Variants in RPL4 observed in about 807,000 individuals in gnomAD.
RPL4 encodes the protein ribosomal protein L4.
In RPL4, 3 loss-of-function variants were observed where a neutral mutation model predicts 47.7. The ratio of observed to expected loss-of-function variants is 0.06; its 90% CI spans 0.03 to 0.16. RPL4 has a LOEUF of 0.16. Among genes scored for constraint, RPL4 ranks in the 10% least tolerant of loss-of-function variants. The pLI is 1.00. For synonymous variants in RPL4, 208 were observed against 182.1 expected, an observed-to-expected ratio of 1.14 and a Z score of -1.15; for missense variants, 413 against 551.3, an observed-to-expected ratio of 0.75 and a Z score of 2.51.
chr15:66,502,228 C>T (rs568244484), intron 4 of RPL4: 3 of 430,766 alleles, frequency 7.0e-6, no homozygotes, highest in Non-Finnish European at 1.3e-5. Flanking sequence ...TTTAAGTAGT[C>T]AGACCTAGTA....
rs985160660 is a variant in RPL4 at position 66,499,242 on chromosome 15, TAA to T, written c.*163_*164del. The T allele has an allele frequency of 9.0e-6, 7 of 777,792 alleles. No homozygotes were observed. The highest frequency in any genetic ancestry group is 1.0e-5 in the Non-Finnish European group (5 of 485,206). The allele number at this position is 777,792 out of a possible 1,614,324, so 48.2% of individuals were successfully genotyped here. On this transcript the variant is annotated 3_prime_UTR_variant, in exon 10 of 10. Coordinates refer to ENST00000307961, the MANE Select transcript of RPL4 (RefSeq NM_000968.4). ...ATTTTATACCACACTATATAAAATG[TAA>T]CAGTCTAAATTATGGCCAACAAAAT...
intron 7 of RPL4, chr15:66,500,660 T>C: frequency 1.8e-6 from 1 of 542,522 alleles, no homozygotes; most frequent in Non-Finnish European, 3.3e-6. Flanking sequence ...CACAAGCCTG[T>C]AGTCCCAGGT....
rs757947957 is a variant in RPL4, at chr15:66,504,770, A to C, written c.3+18T>G. The C allele has an allele frequency of 6.2e-7, 1 of 1,611,944 alleles. No homozygotes were observed. Among genetic ancestry groups the C allele is most frequent in the East Asian group, 2.2e-5 (1 of 44,874 alleles). On this transcript the variant is annotated intron_variant, in intron 1 of 9. Coordinates refer to ENST00000307961, the MANE Select transcript of RPL4 (RefSeq NM_000968.4). ...CCCGAGATACGGGGTAAGGCCAGCC[A>C]AGAGAACTTCCACTCACCATGGCGG...
At chr15:66,503,725 A>G (rs1055256326) in intron 1 of RPL4, among the ~76,000 whole-genome samples, 196 bp from the exon 2 acceptor site, 2 of 151,988 alleles carry the variant, frequency 1.3e-5, no homozygotes, top group Non-Finnish European at 2.9e-5. Flanking sequence ...TTTATTTTCA[A>G]AAAGAATTGT....
In RPL4 at chr15:66,500,959, T is replaced by C; in HGVS notation, c.823A>G (p.Ser275Gly). 1 of 1,613,900 alleles carries C rather than the reference T, an allele frequency of 6.2e-7. No homozygotes were observed. Among genetic ancestry groups the C allele is most frequent in the Non-Finnish European group, 8.5e-7 (1 of 1,179,850 alleles). The change falls in exon 7 of 10, where the codon AGT (serine) becomes GGT (glycine). Residue 275 changes from serine to glycine, a missense_variant. This residue lies in a region of RPL4 where 214 missense variants were observed against 304.2 expected (regional missense o/e 0.70). Coordinates refer to ENST00000307961, the MANE Select transcript of RPL4 (RefSeq NM_000968.4). ...GTWRKAASLK[S>G]NYNLPMHKMI... ...ATGAAAGATACTTACTTGTAGTTAC[T>C]CTTGAGGGAAGCGGCTTTACGCCAA... is the stretch of plus-strand genomic sequence containing the variant.
chr15:66,501,342 T>C lies in RPL4; in HGVS notation c.676+33A>G, dbSNP rs187115320. 118 of 1,613,466 alleles carry C rather than the reference T, an allele frequency of 7.3e-5. No individual in the cohort carries two copies. In the African/African-American group the frequency reaches 1.1e-3, roughly 15 times the overall value. On this transcript the variant is annotated intron_variant, in intron 6 of 9. Transcript: ENST00000307961. ...AAAAGCTGAGTAGACTTGCAGAGTATACCTAGTCAATATATGTAAGCAGTT... is the reference window on the plus strand; with the variant it reads ...AAAAGCTGAGTAGACTTGCAGAGTACACCTAGTCAATATATGTAAGCAGTT...
chr15:66,501,677 C>G, intron 5 of RPL4, 111 bp downstream of exon 5: 1 of 1,524,802 alleles, frequency 6.6e-7, no homozygotes, highest in Non-Finnish European at 8.8e-7. Flanking sequence ...CTCTGAGGTT[C>G]TTGTTCTCTC....
Position 66,499,000 on chromosome 15 carries a change from G to A in RPL4, c.*407C>T, listed in dbSNP as rs1893537706. ...ATTTTACTGCAGTACCAAAAAAATT[G>A]TGCTCTCCAGTTGTGCCCTCTTGTG... is the stretch of plus-strand genomic sequence containing the variant. On this transcript the variant is annotated 3_prime_UTR_variant, in exon 10 of 10. Transcript: ENST00000307961. 5.9e-6 allele frequency: 1 copy of A among 168,696 alleles called. No individual in the cohort carries two copies. The allele number at this position is 168,696 out of a possible 1,614,324, so 10.4% of individuals were successfully genotyped here.
At chr15:66,502,571 T>G in intron 4 of RPL4, 41 bp downstream of exon 4, 1 of 1,595,004 alleles carries the variant, frequency 6.3e-7, no homozygotes, top group Non-Finnish European at 8.5e-7. Flanking sequence ...GTAGGTGTCT[T>G]ATTTCTTCTA....
chr15:66,503,007 C>T, intron 3 of RPL4, 51 bp downstream of exon 3: 11 of 1,531,072 alleles, frequency 7.2e-6, no homozygotes, highest in Non-Finnish European at 9.0e-6. Flanking sequence ...AGACCCAGGC[C>T]GCTAAATTCC....
chr15:66,502,346 C>T (rs1374697028), intron 4 of RPL4: 2 of 430,534 alleles, frequency 4.6e-6, no homozygotes, highest in South Asian at 3.2e-5. Flanking sequence ...ATCACTGATA[C>T]GAAATATTTT....
In RPL4 at chr15:66,504,779, T is replaced by C; in HGVS notation, c.3+9A>G. ...CGGGGTAAGGCCAGCCAAGAGAACTTCCACTCACCATGGCGGAGAGAGGAG... is the reference window on the plus strand; with the variant it reads ...CGGGGTAAGGCCAGCCAAGAGAACTCCCACTCACCATGGCGGAGAGAGGAG... On this transcript the variant is annotated intron_variant, in intron 1 of 9. Coordinates refer to ENST00000307961, the MANE Select transcript of RPL4 (RefSeq NM_000968.4). 4 of 1,612,082 alleles carry C rather than the reference T, an allele frequency of 2.5e-6. No homozygotes were observed. The highest frequency in any genetic ancestry group is 3.4e-6 in the Non-Finnish European group (4 of 1,179,376).
chr15:66,500,407 A>T (rs375190154), intron 7 of RPL4, 31 bp from the exon 8 acceptor site: 2 of 1,585,610 alleles, frequency 1.3e-6, no homozygotes. Flanking sequence ...ATGTACATGT[A>T]AAAGTAATCA....
At chr15:66,503,232 T>C (rs1893660371) in intron 2 of RPL4, 68 bp from the exon 3 acceptor site, 5 of 1,587,774 alleles carry the variant, frequency 3.1e-6, no homozygotes, top group Non-Finnish European at 4.3e-6. Flanking sequence ...CTATTATGCA[T>C]GGTAGCAAAC....
intron 8 of RPL4, 52 bp downstream of exon 8, chr15:66,500,240 AC>A: frequency 6.2e-7 from 1 of 1,613,404 alleles, no homozygotes; most frequent in South Asian, 1.1e-5. Flanking sequence ...AATTTTTGAA[AC>A]AACCAATAGT....
At chr15:66,502,058 C>CACGGACCAA (rs747175386) in intron 4 of RPL4, 146 bp from the exon 5 acceptor site, 1 of 1,058,664 alleles carries the variant, frequency 9.4e-7, no homozygotes, top group Admixed American at 1.7e-5. Flanking sequence ...GTTTCAGAAA[C>CACGGACCAA]ACGGACCAAT....
chr15:66,499,816 G>T, intron 9 of RPL4, 164 bp from the exon 10 acceptor site: 1 of 1,005,354 alleles, frequency 9.9e-7, no homozygotes. Context: ...CTGAGGTCAG[G>T]AGTTTGAGAC....
Position 66,504,841 on chromosome 15 carries a change from G to C in RPL4, c.-51C>G, listed in dbSNP as rs140859138. The C allele has an allele frequency of 3.1e-6, 5 of 1,606,196 alleles. No individual in the cohort carries two copies. The highest frequency in any genetic ancestry group is 4.2e-6 in the Non-Finnish European group (5 of 1,176,824). On this transcript the variant is annotated 5_prime_UTR_variant, in exon 1 of 10. Coordinates refer to ENST00000307961, the MANE Select transcript of RPL4 (RefSeq NM_000968.4). ...CCTCTCAGCCCGGCTGCTGCCACAGGAAAAGGAAGTGCTTACCACTCCCGC... is the reference window on the plus strand; with the variant it reads ...CCTCTCAGCCCGGCTGCTGCCACAGCAAAAGGAAGTGCTTACCACTCCCGC...
intron 9 of RPL4, 56 bp from the exon 10 acceptor site, chr15:66,499,708 T>C (rs1438037790): frequency 6.3e-7 from 1 of 1,598,058 alleles, no homozygotes; most frequent in Non-Finnish European, 8.5e-7. Context: ...GAACTTAATG[T>C]ATCAGGAAGA....
Sources: allele counts gnomAD v4.1 joint callset (sites outside exome capture counted in the v4.1 genomes callset), GRCh38; gene constraint gnomAD v4.1.1; regional missense constraint gnomAD v4.1.1; transcripts MANE v1.5; gene names NCBI Gene and HGNC (gene_info 2026-07-23, HGNC 2026-07-21).